CDIN1: variants seen among roughly 807,000 people sequenced by gnomAD.
CDIN1 encodes the protein CDAN1 interacting nuclease 1, also known as CDAN1-interacting nuclease 1.
In CDIN1, 33 loss-of-function variants were observed where a neutral mutation model predicts 45.3. That is an observed-to-expected ratio of 0.73 (90% confidence interval 0.55 to 0.97). The LOEUF (loss-of-function observed/expected upper bound fraction) is 0.97, where lower values mean the gene tolerates loss of function less well. Among genes scored for constraint, CDIN1 ranks in the 50% least tolerant of loss-of-function variants. The pLI, the probability that CDIN1 is intolerant of heterozygous loss-of-function variation, is 0.00. For synonymous variants in CDIN1, 118 were observed against 124.4 expected, an observed-to-expected ratio of 0.95 and a Z score of 0.34; for missense variants, 303 against 339.4, an observed-to-expected ratio of 0.89 and a Z score of 0.84.
chr15:36,760,637 C>A (rs1322104348), intron 10 of CDIN1, among the ~76,000 whole-genome samples: 1 of 152,176 alleles, frequency 6.6e-6, no homozygotes. Context: ...TTCCCAACTC[C>A]ATCCCGCACC....
At chr15:36,619,184 G>A in intron 1 of CDIN1, 1 of 1,256,578 alleles carries the variant, frequency 8.0e-7, no homozygotes, top group Non-Finnish European at 1.1e-6. Context: ...GAACAGAGAT[G>A]CCAGTTTAGT....
chr15:36,742,715 G>A (rs1040577462), intron 10 of CDIN1, among the ~76,000 whole-genome samples: 9 of 152,178 alleles, frequency 5.9e-5, no homozygotes, highest in Non-Finnish European at 1.0e-4. Flanking sequence ...GCAGCAGATT[G>A]CTGAAGTTCA....
At chr15:36,593,783 C>G (rs975249300) in intron 1 of CDIN1, among the ~76,000 whole-genome samples, 1 of 152,046 alleles carries the variant, frequency 6.6e-6, no homozygotes, top group Non-Finnish European at 1.5e-5. Flanking sequence ...CCAGGATGGT[C>G]TCGATCTCCT....
At chr15:36,607,690 A>G (rs1487641830) in intron 1 of CDIN1, among the ~76,000 whole-genome samples, 2 of 151,962 alleles carry the variant, frequency 1.3e-5, no homozygotes, top group Admixed American at 6.6e-5. Context: ...TCTTTTTTCA[A>G]TTATAACCTG....
chr15:36,725,635 G>A (rs1235085195), intron 10 of CDIN1, among the ~76,000 whole-genome samples: 2 of 152,142 alleles, frequency 1.3e-5, no homozygotes, highest in Non-Finnish European at 2.9e-5. Flanking sequence ...TGTGTTAAAA[G>A]GTTGAAGAGT....
At chr15:36,619,253 C>G (rs957059928) in intron 1 of CDIN1, 1 of 1,223,168 alleles carries the variant, frequency 8.2e-7, no homozygotes, top group African/African-American at 1.5e-5. Context: ...TATGTGCCAC[C>G]CAGATCACCA....
chr15:36,777,731 C>T (rs1031541597), intron 10 of CDIN1, among the ~76,000 whole-genome samples: 2 of 152,228 alleles, frequency 1.3e-5, no homozygotes, highest in Non-Finnish European at 2.9e-5. Context: ...CCACCTCAGC[C>T]TCCCAATTAG....
In CDIN1 at chr15:36,749,539, A is replaced by G. The variant is rs984966469; in HGVS notation, c.716+39578A>G. On this transcript the variant is annotated intron_variant, in intron 10 of 10. Coordinates refer to ENST00000566621, the MANE Select transcript of CDIN1 (RefSeq NM_001321759.2). ...AAATTATTCATCCTACACTAGATAA[A>G]TGCTGTCTTATGAAGTCTGTGGCAC... 5.3e-5 allele frequency among the ~76,000 whole-genome samples: 8 copies of G among 152,326 alleles called. 1 individual carries two copies. The South Asian group carries it at 1.5e-3, about 28-fold the overall frequency.
chr15:36,794,690 A>G (rs1240529825), intron 10 of CDIN1, among the ~76,000 whole-genome samples: 1 of 152,172 alleles, frequency 6.6e-6, no homozygotes, highest in Non-Finnish European at 1.5e-5. Flanking sequence ...TTCTTTATCC[A>G]TTCATACATC....
At chr15:36,692,307 C>A in intron 7 of CDIN1, 132 bp downstream of exon 7, 1 of 806,214 alleles carries the variant, frequency 1.2e-6, no homozygotes, top group Non-Finnish European at 1.9e-6. Context: ...TACATTCAAT[C>A]AACTGGAGGG....
intron 10 of CDIN1, among the ~76,000 whole-genome samples, chr15:36,802,631 G>C (rs140428493): frequency 1.6e-3 from 242 of 152,218 alleles, no homozygotes; most frequent in African/African-American, 5.6e-3. Context: ...TTATAGGATA[G>C]TGTTAGAGGC....
At chr15:36,695,524 C>T (rs946054556) in intron 7 of CDIN1, among the ~76,000 whole-genome samples, 1 of 152,050 alleles carries the variant, frequency 6.6e-6, no homozygotes, top group African/African-American at 2.4e-5. Flanking sequence ...CCCCAGCCTC[C>T]CTGAACTTTA....
intron 10 of CDIN1, among the ~76,000 whole-genome samples, chr15:36,731,736 A>C (rs1347461306): frequency 6.6e-6 from 1 of 152,210 alleles, no homozygotes; most frequent in Non-Finnish European, 1.5e-5. Flanking sequence ...ACACAAATTA[A>C]ATTTAATGAA....
intron 4 of CDIN1, among the ~76,000 whole-genome samples, chr15:36,656,326 C>T (rs541484101): frequency 6.6e-6 from 1 of 152,250 alleles, no homozygotes; most frequent in African/African-American, 2.4e-5. Flanking sequence ...CAGCAACTCT[C>T]TTAGACAAGA....
At chr15:36,788,292 T>G (rs907908900) in intron 10 of CDIN1, among the ~76,000 whole-genome samples, 1 of 151,346 alleles carries the variant, frequency 6.6e-6, no homozygotes, top group African/African-American at 2.4e-5. Flanking sequence ...AATTTTGTAT[T>G]TTTAGTAGAG....
intron 10 of CDIN1, among the ~76,000 whole-genome samples, chr15:36,777,934 G>C (rs1218093539): frequency 2.6e-5 from 4 of 152,172 alleles, no homozygotes; most frequent in Admixed American, 6.5e-5. Context: ...AAGGCAATTG[G>C]AAGATATATC....
intron 10 of CDIN1, among the ~76,000 whole-genome samples, chr15:36,751,229 T>TTTATATATATATATATATATA (rs568110101): frequency 1.0e-5 from 1 of 97,574 alleles, no homozygotes; most frequent in African/African-American, 4.3e-5. Context: ...TATGCTTATT[T>TTTATATATATATATATATATA]TATATATATA....
intron 1 of CDIN1, among the ~76,000 whole-genome samples, chr15:36,592,292 A>C (rs1042958898): frequency 3.3e-5 from 5 of 152,140 alleles, no homozygotes; most frequent in African/African-American, 1.2e-4. Context: ...CCGCGACCTC[A>C]CATTGGTAGC....
chr15:36,750,561 G>A (rs1158349878), intron 10 of CDIN1, among the ~76,000 whole-genome samples: 4 of 152,152 alleles, frequency 2.6e-5, no homozygotes, highest in Non-Finnish European at 5.9e-5. Context: ...GTGTGGGATG[G>A]AGGGTGACGT....
Sources: allele counts gnomAD v4.1 joint callset (sites outside exome capture counted in the v4.1 genomes callset), GRCh38; gene constraint gnomAD v4.1.1; transcripts MANE v1.5; gene names NCBI Gene and HGNC (gene_info 2026-07-23, HGNC 2026-07-21).